Variants in GLIS1 observed in about 807,000 individuals in gnomAD.
GLIS1 encodes GLIS family zinc finger 1.
Under a neutral mutation model 63.8 loss-of-function variants are expected in GLIS1, and 24 were observed. The observed-to-expected ratio is 0.38, with a 90% CI of 0.27 to 0.53. GLIS1 has a LOEUF of 0.53. GLIS1 is among the 20% of genes least tolerant of loss of function. The pLI is 0.85. For missense variants in GLIS1, 1,036 were observed against 1,074.1 expected (o/e 0.96, Z 0.50); for synonymous variants, 450 against 482.5 (o/e 0.93, Z 0.88).
At chr1:53,582,272 C>T (rs951317095) in intron 4 of GLIS1, among the ~76,000 whole-genome samples, 9 of 152,206 alleles carry the variant, frequency 5.9e-5, no homozygotes, top group African/African-American at 2.2e-4. Context: ...TGGGTCTTTG[C>T]ACAAGCCAGG....
intron 2 of GLIS1, among the ~76,000 whole-genome samples, chr1:53,705,802 T>A (rs1324803869): frequency 6.6e-6 from 1 of 152,174 alleles, no homozygotes; most frequent in East Asian, 1.9e-4. Flanking sequence ...ATCCTTTAAT[T>A]AGCCTCTGCG....
intron 2 of GLIS1, among the ~76,000 whole-genome samples, chr1:53,705,557 T>C (rs1159946971): frequency 6.6e-6 from 1 of 152,164 alleles, no homozygotes; most frequent in Non-Finnish European, 1.5e-5. Flanking sequence ...TGAGACATTT[T>C]AAATATGAAA....
intron 7 of GLIS1, among the ~76,000 whole-genome samples, chr1:53,517,091 C>T (rs541787767): frequency 1.6e-4 from 25 of 152,166 alleles, no homozygotes; most frequent in Middle Eastern, 3.4e-3. Context: ...TAAATATTAA[C>T]AAGTTGAATG....
rs536176352 is a variant in GLIS1, at chr1:53,541,864, C to T, written c.1321-11912G>A. 1.1e-4 allele frequency among the ~76,000 whole-genome samples: 16 copies of T among 152,326 alleles called. No individual in the cohort carries two copies. The East Asian group carries it at 1.9e-3, about 18-fold the overall frequency. On this transcript the variant is annotated intron_variant, in intron 4 of 10. Coordinates refer to ENST00000628545, the MANE Select transcript of GLIS1 (RefSeq NM_001367484.1). ...GGAAACTGTCTGGGGGTCTGAGGCT[C>T]GGTCCGTTCATCCTGCAGCTGGGGG...
chr1:53,608,900 C>T (rs760417931), intron 2 of GLIS1, among the ~76,000 whole-genome samples: 1 of 152,178 alleles, frequency 6.6e-6, no homozygotes, highest in African/African-American at 2.4e-5. Context: ...ACTCTGCCCC[C>T]CTGCATGTGA....
intron 2 of GLIS1, among the ~76,000 whole-genome samples, chr1:53,728,558 C>T (rs1211096997): frequency 2.6e-5 from 4 of 152,154 alleles, no homozygotes; most frequent in African/African-American, 9.7e-5. Context: ...GGCCTGGTTC[C>T]ACACCCATGC....
chr1:53,653,625 T>C (rs1569991833), intron 2 of GLIS1, among the ~76,000 whole-genome samples: 1 of 152,200 alleles, frequency 6.6e-6, no homozygotes, highest in African/African-American at 2.4e-5. Context: ...CTCACCCCAC[T>C]GCCTGTCTTC....
At chr1:53,577,021 C>A (rs1156926114) in intron 4 of GLIS1, among the ~76,000 whole-genome samples, 2 of 152,024 alleles carry the variant, frequency 1.3e-5, no homozygotes, top group Non-Finnish European at 2.9e-5. Context: ...CCTTGGCCAC[C>A]CAATCTCTGT....
At chr1:53,694,138 G>T (rs900411038) in intron 2 of GLIS1, among the ~76,000 whole-genome samples, 3 of 152,220 alleles carry the variant, frequency 2.0e-5, no homozygotes, top group Non-Finnish European at 4.4e-5. Context: ...CAAAGAAGGG[G>T]CTCTGGCCCA....
At chr1:53,733,870 C>T (rs1253014263) in intron 2 of GLIS1, 10 of 971,962 alleles carry the variant, frequency 1.0e-5, no homozygotes, top group Non-Finnish European at 1.2e-5. Context: ...CCACCGGAGC[C>T]GGAGGGGAGA....
intron 5 of GLIS1, among the ~76,000 whole-genome samples, chr1:53,528,432 C>T (rs965016279): frequency 5.3e-5 from 8 of 152,190 alleles, no homozygotes; most frequent in African/African-American, 1.9e-4. Flanking sequence ...GCAGATGACT[C>T]AGTCTCTTTG....
At chr1:53,521,355 CTCTT>C (rs1030906366) in intron 6 of GLIS1, among the ~76,000 whole-genome samples, 9 of 152,134 alleles carry the variant, frequency 5.9e-5, no homozygotes, top group South Asian at 2.1e-4. Context: ...CCCCACCCAG[CTCTT>C]TCTTTCTTCC....
At chr1:53,554,114 GCCACAAGATGGCACCCAT>G (rs1436859816) in intron 4 of GLIS1, among the ~76,000 whole-genome samples, 1 of 152,190 alleles carries the variant, frequency 6.6e-6, no homozygotes, top group African/African-American at 2.4e-5. Flanking sequence ...CAGCCATGAG[GCCACAAGATGGCACCCAT>G]TACTCCTGAC....
intron 2 of GLIS1, among the ~76,000 whole-genome samples, chr1:53,654,926 T>C (rs1645948439): frequency 2.0e-5 from 3 of 151,944 alleles, no homozygotes; most frequent in African/African-American, 4.8e-5. Context: ...GGGAAGTGGG[T>C]TGAGAGGTTT....
chr1:53,544,504 G>T (rs1355125110), intron 4 of GLIS1, among the ~76,000 whole-genome samples: 1 of 152,136 alleles, frequency 6.6e-6, no homozygotes, highest in African/African-American at 2.4e-5. Context: ...CCTGCAGCAG[G>T]GAGACCCCTA....
chr1:53,729,313 C>G (rs1157690606), intron 2 of GLIS1, among the ~76,000 whole-genome samples: 1 of 152,126 alleles, frequency 6.6e-6, no homozygotes, highest in African/African-American at 2.4e-5. Flanking sequence ...CAAAGAAGAG[C>G]CTGCCTCAAC....
intron 5 of GLIS1, among the ~76,000 whole-genome samples, chr1:53,525,487 GC>G (rs1163161544): frequency 2.2e-5 from 3 of 139,044 alleles, no homozygotes; most frequent in East Asian, 2.2e-4. Context: ...GGGGAGTCTG[GC>G]GGGGCTGGGG....
intron 2 of GLIS1, among the ~76,000 whole-genome samples, chr1:53,666,168 C>T (rs1646088991): frequency 1.3e-5 from 2 of 152,170 alleles, no homozygotes; most frequent in South Asian, 4.1e-4. Context: ...CTATACTCTG[C>T]CATCCCTCAC....
chr1:53,678,797 C>T (rs1365512928), intron 2 of GLIS1, among the ~76,000 whole-genome samples: 1 of 152,180 alleles, frequency 6.6e-6, no homozygotes, highest in African/African-American at 2.4e-5. Flanking sequence ...GGAAAGGTCT[C>T]TGACCTCAGT....
Sources: gnomAD v4.1 joint callset for allele counts (sites outside exome capture counted in the v4.1 genomes callset) on GRCh38, gnomAD v4.1.1 for gene constraint, MANE v1.5 for transcripts, NCBI Gene and HGNC (gene_info 2026-07-23, HGNC 2026-07-21) for gene names.